The following CNTN4 variants were observed in gnomAD, a reference collection of about 807,000 sequenced individuals.
The protein encoded by CNTN4 is contactin-4.
CNTN4 carries 77 observed loss-of-function variants against 122.5 expected under a neutral mutation model. The ratio of observed to expected loss-of-function variants is 0.63; its 90% CI spans 0.52 to 0.76. The LOEUF is 0.76. Ranked by LOEUF, CNTN4 falls within the 30% of genes least tolerant of loss-of-function variation. CNTN4 has a pLI of 0.00. For missense variants in CNTN4, 1,256 were observed against 1,259.1 expected, an observed-to-expected ratio of 1.00 and a Z score of 0.04; for synonymous variants, 512 against 447.0, an observed-to-expected ratio of 1.15 and a Z score of -1.83.
chr3:2,372,664 T>C (rs1436244181), intron 3 of CNTN4, among the ~76,000 whole-genome samples: 1 of 152,158 alleles, frequency 6.6e-6, no homozygotes, highest in Non-Finnish European at 1.5e-5. Flanking sequence ...TTTCTTCAGC[T>C]CTAGAAAAGG....
intron 3 of CNTN4, among the ~76,000 whole-genome samples, chr3:2,439,479 C>T (rs755400139): frequency 6.6e-6 from 1 of 152,048 alleles, no homozygotes; most frequent in Non-Finnish European, 1.5e-5. Context: ...AGCATTTCCT[C>T]ATGTCAGTGA....
chr3:2,906,575 C>T (rs1346801142), intron 12 of CNTN4, among the ~76,000 whole-genome samples: 1 of 152,072 alleles, frequency 6.6e-6, no homozygotes, highest in African/African-American at 2.4e-5. Context: ...CGGTGGCTCA[C>T]AGCTGTAATC....
intron 7 of CNTN4, among the ~76,000 whole-genome samples, chr3:2,864,079 A>G (rs940601397): frequency 4.6e-5 from 7 of 152,178 alleles, no homozygotes; most frequent in Non-Finnish European, 8.8e-5. Flanking sequence ...TACTTCTATA[A>G]TGATTAACCT....
At chr3:2,895,964 C>T (rs1257983933) in intron 10 of CNTN4, among the ~76,000 whole-genome samples, 21 of 152,128 alleles carry the variant, frequency 1.4e-4, no homozygotes, top group Non-Finnish European at 3.1e-4. Flanking sequence ...ACCCAGAAGG[C>T]AGAGTTTGCA....
chr3:2,664,467 GATAA>G (rs1348948223), intron 4 of CNTN4, among the ~76,000 whole-genome samples: 1 of 145,710 alleles, frequency 6.9e-6, no homozygotes, highest in Non-Finnish European at 1.5e-5. Flanking sequence ...TGAATTTTAT[GATAA>G]GTAAGTTGGA....
intron 4 of CNTN4, among the ~76,000 whole-genome samples, chr3:2,644,067 C>G (rs552900537): frequency 7.2e-5 from 11 of 152,254 alleles, no homozygotes; most frequent in Admixed American, 4.6e-4. Context: ...CTTATGATTC[C>G]ATTTACTACT....
chr3:2,228,116 A>G (rs1575124974), intron 2 of CNTN4, among the ~76,000 whole-genome samples: 4 of 151,856 alleles, frequency 2.6e-5, no homozygotes, highest in African/African-American at 7.3e-5. Flanking sequence ...GTTACAAGTG[A>G]TTTTTTTTCA....
At chr3:2,174,376 C>G (rs538558584) in intron 2 of CNTN4, among the ~76,000 whole-genome samples, 1 of 152,230 alleles carries the variant, frequency 6.6e-6, no homozygotes, top group South Asian at 2.1e-4. Flanking sequence ...TTATAAGCAA[C>G]AGACATTTAT....
At chr3:2,148,222 T>C (rs928750467) in intron 2 of CNTN4, among the ~76,000 whole-genome samples, 1 of 152,064 alleles carries the variant, frequency 6.6e-6, no homozygotes, top group Non-Finnish European at 1.5e-5. Flanking sequence ...GTTGGACACA[T>C]TGAGATAAGA....
intron 4 of CNTN4, among the ~76,000 whole-genome samples, chr3:2,632,018 T>C (rs1005053495): frequency 1.3e-5 from 2 of 151,708 alleles, no homozygotes; most frequent in African/African-American, 4.8e-5. Flanking sequence ...ACTACTGCAC[T>C]TCACCCTGGG....
At chr3:2,296,736 A>C (rs978963602) in intron 2 of CNTN4, among the ~76,000 whole-genome samples, 1 of 151,684 alleles carries the variant, frequency 6.6e-6, no homozygotes, top group Non-Finnish European at 1.5e-5. Context: ...TGCAGGTGAC[A>C]TGTACTATAT....
At chr3:2,343,202 T>A (rs2150379544) in intron 3 of CNTN4, among the ~76,000 whole-genome samples, 1 of 152,304 alleles carries the variant, frequency 6.6e-6, no homozygotes, top group East Asian at 1.9e-4. Flanking sequence ...ACTGACTTCC[T>A]ACAACTGAAT....
intron 3 of CNTN4, among the ~76,000 whole-genome samples, chr3:2,501,563 A>G (rs111281350): frequency 6.6e-6 from 1 of 152,162 alleles, no homozygotes; most frequent in East Asian, 1.9e-4. Context: ...TGGCCTGTTC[A>G]TATAAAAAGC....
intron 3 of CNTN4, among the ~76,000 whole-genome samples, chr3:2,358,074 G>A (rs2044948445): frequency 6.6e-6 from 1 of 152,162 alleles, no homozygotes; most frequent in South Asian, 2.1e-4. Context: ...ACTTAGTGTG[G>A]ACGAGGGGAA....
chr3:2,242,192 G>A (rs561603228), intron 2 of CNTN4, among the ~76,000 whole-genome samples: 1 of 152,014 alleles, frequency 6.6e-6, no homozygotes, highest in African/African-American at 2.4e-5. Flanking sequence ...CATTTTCTTT[G>A]ACCATTCTTG....
chr3:2,104,249 TGTGTGTGC>T (rs1047111202), intron 2 of CNTN4, among the ~76,000 whole-genome samples: 44 of 141,922 alleles, frequency 3.1e-4, no homozygotes, highest in Non-Finnish European at 5.0e-4. Flanking sequence ...TGTGTGTGTG[TGTGTGTGC>T]GTTTCAAGTC....
chr3:2,216,697 A>G (rs1434609987), intron 2 of CNTN4, among the ~76,000 whole-genome samples: 1 of 152,122 alleles, frequency 6.6e-6, no homozygotes, highest in Non-Finnish European at 1.5e-5. Flanking sequence ...ATAATGGAAA[A>G]TGTCCCAATA....
chr3:2,393,223 A>AT (rs1360208155), intron 3 of CNTN4, among the ~76,000 whole-genome samples: 3 of 148,938 alleles, frequency 2.0e-5, no homozygotes, highest in African/African-American at 7.5e-5. Flanking sequence ...TCCTATTTTT[A>AT]TGAGAATACC....
chr3:2,365,908 C>T (rs746032761), intron 3 of CNTN4, among the ~76,000 whole-genome samples: 47 of 152,228 alleles, frequency 3.1e-4, no homozygotes, highest in Middle Eastern at 3.4e-3. Flanking sequence ...TTTTTGTTTT[C>T]GGTTCTGCCT....
Sources: gnomAD v4.1 joint callset for allele counts (sites outside exome capture counted in the v4.1 genomes callset) on GRCh38, gnomAD v4.1.1 for gene constraint, MANE v1.5 for transcripts, NCBI Gene and HGNC (gene_info 2026-07-23, HGNC 2026-07-21) for gene names.